The following GSR variants were observed in gnomAD, a reference collection of about 807,000 sequenced individuals.
GSR encodes glutathione-disulfide reductase.
A neutral mutation model predicts 56.5 loss-of-function variants in GSR; 48 were observed. That is an observed-to-expected ratio of 0.85 (90% confidence interval 0.67 to 1.08). The LOEUF (loss-of-function observed/expected upper bound fraction) is 1.08. Among genes scored for constraint, GSR ranks in the 50% least tolerant of loss-of-function variants. GSR has a pLI of 0.00. For missense variants in GSR, 694 were observed against 703.3 expected, an observed-to-expected ratio of 0.99 and a Z score of 0.15; for synonymous variants, 264 against 270.8, an observed-to-expected ratio of 0.97 and a Z score of 0.25.
chr8:30,711,264 T>TATGTTG (rs747948849), intron 2 of GSR, among the ~76,000 whole-genome samples: 6 of 152,216 alleles, frequency 3.9e-5, no homozygotes, highest in Non-Finnish European at 8.8e-5. Flanking sequence ...GATTACAACA[T>TATGTTG]ATGTTGAAAG....
intron 8 of GSR, among the ~76,000 whole-genome samples, chr8:30,691,403 G>A (rs1270742839): frequency 6.7e-6 from 1 of 150,372 alleles, no homozygotes; most frequent in Non-Finnish European, 1.5e-5. Flanking sequence ...AAGATAGGCT[G>A]GGCACAGTAG....
At chr8:30,689,882 T>C (rs1407084415) in intron 8 of GSR, among the ~76,000 whole-genome samples, 1 of 142,780 alleles carries the variant, frequency 7.0e-6, no homozygotes, top group Non-Finnish European at 1.5e-5. Flanking sequence ...TATATGTATA[T>C]TATATATAAA....
At chr8:30,712,162 A>C in intron 1 of GSR, 74 bp from the exon 2 acceptor site, 2 of 784,812 alleles carry the variant, frequency 2.5e-6, no homozygotes, top group Non-Finnish European at 2.2e-6. Context: ...CAAGAAATGC[A>C]CGCTAAGCAT....
At chr8:30,683,845 C>T (rs1468602719) in intron 10 of GSR, among the ~76,000 whole-genome samples, 1 of 151,946 alleles carries the variant, frequency 6.6e-6, no homozygotes, top group Admixed American at 6.6e-5. Flanking sequence ...TAAGAGAGTT[C>T]CGCAACGGGT....
intron 8 of GSR, among the ~76,000 whole-genome samples, chr8:30,691,680 C>CA (rs533089265): frequency 0.016 from 1,979 of 123,062 alleles, 36 homozygotes; most frequent in African/African-American, 0.05. Context: ...AATTCTATCT[C>CA]AAAAAAAAAA....
At chr8:30,689,902 T>C (rs1367747787) in intron 8 of GSR, among the ~76,000 whole-genome samples, 1 of 142,866 alleles carries the variant, frequency 7.0e-6, no homozygotes, top group Admixed American at 7.3e-5. Context: ...ATTATATTTT[T>C]ATTAAATATA....
At chr8:30,717,885 A>G (rs1213122646) in intron 1 of GSR, among the ~76,000 whole-genome samples, 3 of 152,082 alleles carry the variant, frequency 2.0e-5, no homozygotes, top group African/African-American at 7.2e-5. Flanking sequence ...CAATTACCTG[A>G]GGTCAGGAGT....
chr8:30,727,772 C>T lies in GSR; in HGVS notation c.64G>A (p.Ala22Thr). The part of the protein sequence containing the change: ...AGPSWRRAAR[A>T]FRGFLLLLPE... Reference sequence around the variant, plus strand: ...AGAAGCAGCAGGAAGCCTCGGAAGGCGCGCGCCGCCCGCCGCCAGCTCGGT... The same window carrying T: ...AGAAGCAGCAGGAAGCCTCGGAAGGTGCGCGCCGCCCGCCGCCAGCTCGGT... Residue 22 changes from alanine (A) to threonine (T), a missense_variant, in exon 1 of 13, where the codon GCC becomes ACC. By Grantham distance (58) the Ala-to-Thr change is moderately conservative (BLOSUM62 0). Transcript: ENST00000221130. 1.5e-6 allele frequency: 2 copies of T among 1,361,528 alleles called. No individual in the cohort carries two copies. Among genetic ancestry groups the T allele is most frequent in the South Asian group, 3.4e-5 (2 of 58,436 alleles). The allele number at this position is 1,361,528 out of a possible 1,614,324, so 84.3% of individuals were successfully genotyped here. A position where few individuals can be genotyped will look rare whatever the true frequency, so the allele number is the denominator to read the frequency against.
intron 9 of GSR, among the ~76,000 whole-genome samples, chr8:30,686,312 T>C (rs1803158983): frequency 6.6e-6 from 1 of 152,052 alleles, no homozygotes; most frequent in African/African-American, 2.4e-5. Context: ...CACATAGTAA[T>C]CACTCAATTT....
In GSR at chr8:30,681,973, C is replaced by T; in HGVS notation, c.1242G>A (p.Val414=). The change falls in exon 11 of 13, where the codon GTG becomes GTA. Residue 414 remains valine, a synonymous_variant. Transcript: ENST00000221130. ...TCCCAATAGGGGGGTGGCTGAAGAC[C>T]ACAGTTGGGATGTTGTTATAATCTA... is the stretch of plus-strand genomic sequence containing the variant. ...SKLDYNNIPT[V]VFSHPPIGTV... 1.2e-6 allele frequency: 2 copies of T among 1,613,558 alleles called. No homozygotes were observed. The highest frequency in any genetic ancestry group is 8.5e-7 in the Non-Finnish European group (1 of 1,179,494).
Position 30,709,905 on chromosome 8 carries a change from G to GT in GSR, c.334-4dup, listed in dbSNP as rs112134304. 3.8e-3 allele frequency: 3,436 copies of GT among 909,556 alleles called. 75 individuals carry two copies. In the African/African-American group the frequency reaches 0.061, roughly 16 times the overall value. 56.3% of individuals were successfully genotyped at this position (909,556 alleles called of 1,614,324 possible). A position where few individuals can be genotyped will look rare whatever the true frequency, so the allele number is the denominator to read the frequency against. On this transcript the variant is annotated splice_region_variant and splice_polypyrimidine_tract_variant and intron_variant, in intron 2 of 12. Coordinates refer to ENST00000221130, the MANE Select transcript of GSR (RefSeq NM_000637.5). ...TGGACAGCTGTGTTCCACATTACCT[G>GT]TAAAAAAAAAAAAAAAAAAGGATCC...
intron 5 of GSR, among the ~76,000 whole-genome samples, chr8:30,702,810 T>C (rs1205133168): frequency 1.3e-5 from 2 of 152,110 alleles, no homozygotes; most frequent in Non-Finnish European, 2.9e-5. Context: ...GGTGGTGGCA[T>C]GCCTGTAGTC....
At chr8:30,694,651 G>C (rs1803488279) in intron 7 of GSR, among the ~76,000 whole-genome samples, 1 of 151,592 alleles carries the variant, frequency 6.6e-6, no homozygotes, top group Non-Finnish European at 1.5e-5. Context: ...AAAGTAGTCA[G>C]GTGGCGCATG....
Position 30,699,998 on chromosome 8 carries a change from T to C in GSR, c.695+83A>G, listed in dbSNP as rs369314046. The stretch of plus-strand genomic sequence containing the variant: ...GAATTCAGGAAAGGCCTACATTAAA[T>C]GCTTGGGAGGAGAAGACGAAGAAAA... On this transcript the variant is annotated intron_variant, in intron 6 of 12. Transcript: ENST00000221130. 14 of 955,458 alleles carry C rather than the reference T, an allele frequency of 1.5e-5. No individual in the cohort carries two copies. The African/African-American group carries it at 2.1e-4, about 14-fold the overall frequency. 59.2% of individuals were successfully genotyped at this position (955,458 alleles called of 1,614,324 possible). A position where few individuals can be genotyped will look rare whatever the true frequency, so the allele number is the denominator to read the frequency against.
At chr8:30,695,262 G>C (rs528976477) in intron 7 of GSR, among the ~76,000 whole-genome samples, 12 of 152,148 alleles carry the variant, frequency 7.9e-5, no homozygotes, top group African/African-American at 2.4e-4. Flanking sequence ...TTGAGACAGA[G>C]TCTTGCTCTG....
At chr8:30,712,005 T>C in intron 2 of GSR, 57 bp downstream of exon 2, 1 of 960,080 alleles carries the variant, frequency 1.0e-6, no homozygotes, top group Non-Finnish European at 1.7e-6. Context: ...CTGATTTTGA[T>C]TATGATTTAC....
chr8:30,683,773 A>C (rs1803035821), intron 10 of GSR, among the ~76,000 whole-genome samples: 1 of 146,416 alleles, frequency 6.8e-6, no homozygotes, highest in Non-Finnish European at 1.5e-5. Flanking sequence ...AAAAAATGCC[A>C]ATCTAAATTA....
At chr8:30,720,789 C>G (rs1296559899) in intron 1 of GSR, among the ~76,000 whole-genome samples, 1 of 152,138 alleles carries the variant, frequency 6.6e-6, no homozygotes, top group Non-Finnish European at 1.5e-5. Context: ...AGAACATTAA[C>G]CTGAACCTTC....
At chr8:30,684,644 G>GT (rs1221926382) in intron 9 of GSR, among the ~76,000 whole-genome samples, 1 of 152,176 alleles carries the variant, frequency 6.6e-6, no homozygotes, top group African/African-American at 2.4e-5. Context: ...CAACTATCAG[G>GT]TGTGCCACTT....
Sources: allele counts gnomAD v4.1 joint callset (sites outside exome capture counted in the v4.1 genomes callset), GRCh38; gene constraint gnomAD v4.1.1; transcripts MANE v1.5; gene names NCBI Gene and HGNC (gene_info 2026-07-23, HGNC 2026-07-21).